Variants in DISP3 observed in about 807,000 individuals in gnomAD.
DISP3 encodes dispatched RND transporter family member 3.
A neutral mutation model predicts 135.3 loss-of-function variants in DISP3; 101 were observed. The ratio of observed to expected loss-of-function variants is 0.75; its 90% CI spans 0.64 to 0.88. DISP3 has a LOEUF of 0.88. Among genes scored for constraint, DISP3 ranks in the 40% least tolerant of loss-of-function variants. The probability of loss-of-function intolerance (pLI) is 0.00; values close to 1 mark genes in which losing one functional copy is unlikely to be tolerated. For synonymous variants in DISP3, 856 were observed against 817.0 expected, an observed-to-expected ratio of 1.05 and a Z score of -0.81; for missense variants, 1,713 against 1,878.6, an observed-to-expected ratio of 0.91 and a Z score of 1.63.
At chr1:11,494,555 G>A (rs1003723242) in intron 1 of DISP3, among the ~76,000 whole-genome samples, 1 of 152,186 alleles carries the variant, frequency 6.6e-6, no homozygotes, top group African/African-American at 2.4e-5. Flanking sequence ...AGTGATGCCT[G>A]GGAGGCACCA....
intron 1 of DISP3, among the ~76,000 whole-genome samples, chr1:11,493,850 C>T (rs543580807): frequency 6.6e-6 from 1 of 152,332 alleles, no homozygotes; most frequent in East Asian, 1.9e-4. Flanking sequence ...ACCATCACAC[C>T]CATGACCCAT....
chr1:11,528,359 T>C (rs1430925759), intron 13 of DISP3, among the ~76,000 whole-genome samples: 4 of 152,154 alleles, frequency 2.6e-5, no homozygotes. Context: ...TCATTCCCCA[T>C]GTTGTAAACA....
rs747347219 is a variant in DISP3, at chr1:11,529,616, C to G, written c.2859C>G (p.Pro953=). 6 of 1,608,842 alleles carry G rather than the reference C, an allele frequency of 3.7e-6. No homozygotes were observed. The African/African-American group carries it at 8.0e-5, about 21-fold the overall frequency. The part of the protein sequence containing the change: ...PPFHGRVCMA[P]PGCLLSSSPD... Reference sequence around the variant, plus strand: ...TCCACGGGCGCGTATGCATGGCACCCCCTGGCTGCCTGCTTAGCTCCAGCC... The same window carrying G: ...TCCACGGGCGCGTATGCATGGCACCGCCTGGCTGCCTGCTTAGCTCCAGCC... Residue 953 remains proline (P), a synonymous_variant, in exon 14 of 21, where the codon CCC becomes CCG. Coordinates refer to ENST00000294484, the MANE Select transcript of DISP3 (RefSeq NM_020780.2). This position sits in a 1 kb window ranked among gnomAD's most constrained non-coding sequence, Gnocchi z 4.7.
At chr1:11,511,403 A>G (rs1641851438) in intron 3 of DISP3, among the ~76,000 whole-genome samples, 1 of 152,096 alleles carries the variant, frequency 6.6e-6, no homozygotes, top group Non-Finnish European at 1.5e-5. Context: ...AATGGGAGAA[A>G]TTGGCCAAAA....
At chr1:11,533,933 C>T (rs994551446) in intron 17 of DISP3, 4 of 703,122 alleles carry the variant, frequency 5.7e-6, no homozygotes, top group Non-Finnish European at 1.1e-5. Flanking sequence ...TCCCACCTGC[C>T]AGGGCCAGGC....
In DISP3 at chr1:11,503,000, G is replaced by A. The variant is rs1641595647; in HGVS notation, c.1316+103G>A. 2.7e-6 allele frequency: 3 copies of A among 1,094,246 alleles called. No individual in the cohort carries two copies. In the East Asian group the frequency reaches 7.7e-5, roughly 28 times the overall value. 67.8% of individuals were successfully genotyped at this position (1,094,246 alleles called of 1,614,324 possible). ...CCCTTTCCCTATAATCTTTTCCTTT[G>A]GAAGTCTTTCTTTCCAAATTGGGGC... On this transcript the variant is annotated intron_variant, in intron 3 of 20. Transcript: ENST00000294484.
At chr1:11,492,625 C>T (rs1408627556) in intron 1 of DISP3, among the ~76,000 whole-genome samples, 1 of 152,108 alleles carries the variant, frequency 6.6e-6, no homozygotes, top group African/African-American at 2.4e-5. Flanking sequence ...TCATTTGTAC[C>T]CCCTCTGAAT....
Position 11,535,036 on chromosome 1 carries a change from G to A in DISP3, c.3561G>A (p.Leu1187=). The A allele has an allele frequency of 6.3e-7, 1 of 1,599,122 alleles. No homozygotes were observed. Among genetic ancestry groups the A allele is most frequent in the Non-Finnish European group, 8.5e-7 (1 of 1,175,018 alleles). ...GGGTGCAGAGCGCCCTGTGCGGCCT[G>A]GTGCTATCCCTGCTCATCTGCGTGG... ...IVGVQSALCG[L]VLSLLICVAA... The change falls in exon 19 of 21, where the codon CTG becomes CTA. Residue 1187 remains leucine, a synonymous_variant. Coordinates refer to ENST00000294484, the MANE Select transcript of DISP3 (RefSeq NM_020780.2).
In DISP3 at chr1:11,535,657, C is replaced by T. The variant is rs540127138; in HGVS notation, c.3816+13C>T. On this transcript the variant is annotated intron_variant, in intron 20 of 20. Transcript: ENST00000294484. ...CCACCAGGCCGAGGTGCGCACCCTG[C>T]CCGCCTTACCCACTTCCCACCACAT... The T allele has an allele frequency of 2.5e-6, 4 of 1,604,036 alleles. No homozygotes were observed. In the South Asian group the frequency reaches 4.4e-5, roughly 18 times the overall value.
Position 11,499,867 on chromosome 1 carries a change from T to G in DISP3, c.-3-1123T>G, listed in dbSNP as rs1488353530. ...TGAAATGGAGCACTCCAAAGAATGTTAATAGGAAAGGCAGCATTAATTAGC... is the reference window on the plus strand; with the variant it reads ...TGAAATGGAGCACTCCAAAGAATGTGAATAGGAAAGGCAGCATTAATTAGC... On this transcript the variant is annotated intron_variant, in intron 1 of 20. Transcript: ENST00000294484. This position sits in a 1 kb window ranked among gnomAD's most constrained non-coding sequence, Gnocchi z 5.2. Among the ~76,000 whole-genome samples, 1 of 152,274 alleles carries G rather than the reference T, an allele frequency of 6.6e-6. No individual in the cohort carries two copies. The highest frequency in any genetic ancestry group is 1.5e-5 in the Non-Finnish European group (1 of 68,054).
chr1:11,534,505 G>T lies in DISP3; in HGVS notation c.3500G>T (p.Cys1167Phe). The change falls in exon 18 of 21, where the codon TGC (cysteine) becomes TTC (phenylalanine). Residue 1167 changes from cysteine (C) to phenylalanine (F), a missense_variant. Coordinates refer to ENST00000294484, the MANE Select transcript of DISP3 (RefSeq NM_020780.2). Reference protein sequence around the residue: ...GSVLRRGFQTCEHWKQIFMEI... With the variant: ...GSVLRRGFQTFEHWKQIFMEI... Reference sequence around the variant, plus strand: ...GTCCTGCGCCGGGGCTTCCAGACCTGCGAGCACTGGAAGCAGATATTCATG... The same window carrying T: ...GTCCTGCGCCGGGGCTTCCAGACCTTCGAGCACTGGAAGCAGATATTCATG... The T allele has an allele frequency of 6.2e-7, 1 of 1,612,694 alleles. No individual in the cohort carries two copies. Among genetic ancestry groups the T allele is most frequent in the Non-Finnish European group, 8.5e-7 (1 of 1,179,056 alleles).
chr1:11,479,425 T>A (rs555949161), intron 1 of DISP3, 53 bp downstream of exon 1: 1 of 152,696 alleles, frequency 6.5e-6, no homozygotes, highest in Non-Finnish European at 1.5e-5. Context: ...GGCTGGGGGA[T>A]GCATTGCTAG....
chr1:11,529,775 C>G lies in DISP3; in HGVS notation c.2930-12C>G. On this transcript the variant is annotated splice_polypyrimidine_tract_variant and intron_variant, in intron 14 of 20. Transcript: ENST00000294484. This position sits in a 1 kb window ranked among gnomAD's most constrained non-coding sequence, Gnocchi z 4.7. ...CCTGCCTTCCCTTACAGCTGTGACT[C>G]CCTGTTCGCAGTGCCCAAGGCCCGT... 1 of 1,610,032 alleles carries G rather than the reference C, an allele frequency of 6.2e-7. No homozygotes were observed. Among genetic ancestry groups the G allele is most frequent in the Non-Finnish European group, 8.5e-7 (1 of 1,177,302 alleles).
Position 11,501,240 on chromosome 1 carries a change from G to C in DISP3, c.248G>C (p.Ser83Thr). Residue 83 changes from serine (S) to threonine (T), a missense_variant, in exon 2 of 21, where the codon AGC (serine) becomes ACC (threonine). Coordinates refer to ENST00000294484, the MANE Select transcript of DISP3 (RefSeq NM_020780.2). This position sits in a 1 kb window ranked among gnomAD's most constrained non-coding sequence, Gnocchi z 4.9. ...CAGLVLFLGC[S>T]IPMALSAFMF... ...GGGCTGGTGCTCTTCCTGGGCTGCA[G>C]CATCCCCATGGCCCTGTCAGCCTTC... 4.3e-6 allele frequency: 7 copies of C among 1,614,128 alleles called. No homozygotes were observed. Among genetic ancestry groups the C allele is most frequent in the Non-Finnish European group, 5.9e-6 (7 of 1,180,012 alleles).
chr1:11,486,866 A>G (rs1203934299), intron 1 of DISP3, among the ~76,000 whole-genome samples: 2 of 152,040 alleles, frequency 1.3e-5, no homozygotes, highest in Non-Finnish European at 2.9e-5. Flanking sequence ...TTTAGTAGAG[A>G]CAAGGTCTCC....
rs749366318 is a variant in DISP3, at chr1:11,501,784, T to C, written c.792T>C (p.Ser264=). Residue 264 remains serine (S), a synonymous_variant, in exon 2 of 21, where the codon AGT becomes AGC. Coordinates refer to ENST00000294484, the MANE Select transcript of DISP3 (RefSeq NM_020780.2). The surrounding 1 kb of genome is among the most constrained non-coding windows in gnomAD (Gnocchi z 4.9). The part of the protein sequence containing the change: ...SRWDYSRAYV[S]ANTQTHAHWR... Reference sequence around the variant, plus strand: ...GGGACTACTCGCGCGCCTATGTGAGTGCCAACACTCAGACGCACGCGCACT... The same window carrying C: ...GGGACTACTCGCGCGCCTATGTGAGCGCCAACACTCAGACGCACGCGCACT... 12 of 1,599,036 alleles carry C rather than the reference T, an allele frequency of 7.5e-6. No homozygotes were observed. The East Asian group carries it at 2.5e-4, about 33-fold the overall frequency.
chr1:11,501,996 C>T lies in DISP3; in HGVS notation c.1004C>T (p.Pro335Leu). Residue 335 changes from proline to leucine, a missense_variant, in exon 2 of 21, where the codon CCC (proline) becomes CTC (leucine). Pro to Leu is a moderately conservative substitution (Grantham distance 98). Transcript: ENST00000294484. This position sits in a 1 kb window ranked among gnomAD's most constrained non-coding sequence, Gnocchi z 4.9. ...LPLGSYSYCS[P>L]PSSLMTYFFP... ...CTGGGCTCCTACTCCTACTGCTCGC[C>T]CCCCAGCTCGCTCATGACCTACTTT... 2 of 1,613,616 alleles carry T rather than the reference C, an allele frequency of 1.2e-6. No individual in the cohort carries two copies. The highest frequency in any genetic ancestry group is 1.7e-6 in the Non-Finnish European group (2 of 1,179,852).
chr1:11,498,115 A>C (rs1035556461), intron 1 of DISP3, among the ~76,000 whole-genome samples: 1 of 152,260 alleles, frequency 6.6e-6, no homozygotes, highest in Admixed American at 6.5e-5. Flanking sequence ...GGAGCCACAC[A>C]TACAGAACAA....
At chr1:11,517,098 CT>C (rs1460969406) in intron 6 of DISP3, among the ~76,000 whole-genome samples, 2 of 152,228 alleles carry the variant, frequency 1.3e-5, no homozygotes, top group Non-Finnish European at 2.9e-5. Context: ...CTCCCTCCCC[CT>C]CACTAGCACA....
Sources: allele counts gnomAD v4.1 joint callset (sites outside exome capture counted in the v4.1 genomes callset), GRCh38; gene constraint gnomAD v4.1.1; non-coding constraint Gnocchi (gnomAD v3.1); transcripts MANE v1.5; gene names NCBI Gene and HGNC (gene_info 2026-07-23, HGNC 2026-07-21).